The following C2orf81 variants were observed in gnomAD, a reference collection of about 807,000 sequenced individuals.
The protein encoded by C2orf81 is chromosome 2 open reading frame 81, also known as uncharacterized protein C2orf81.
Under a neutral mutation model 7.9 loss-of-function variants are expected in C2orf81, and 5 were observed. The observed-to-expected ratio is 0.63, with a 90% CI of 0.33 to 1.33. C2orf81 has a LOEUF of 1.33. Ranked by LOEUF, C2orf81 falls within the 40% of genes most tolerant of loss-of-function variation. The probability of loss-of-function intolerance (pLI) is 0.05; values close to 1 mark genes in which losing one functional copy is unlikely to be tolerated. For synonymous variants in C2orf81, 346 were observed against 367.4 expected (o/e 0.94, Z 0.66); for missense variants, 781 against 830.4 (o/e 0.94, Z 0.73).
intron 1 of C2orf81, chr2:74,417,487 C>A: frequency 7.9e-7 from 1 of 1,268,252 alleles, no homozygotes; most frequent in East Asian, 5.0e-5. Context: ...GGGACTCACA[C>A]CCCTCCCGCT....
In C2orf81 at chr2:74,418,245, G is replaced by A. The variant is rs1454975423; in HGVS notation, c.19-2004C>T. ...TTTTCCCGGTCTTGGCAGCACCCTTGTTTTTGCTTCCCTTTGGTCGGCCCC... is the reference window on the plus strand; with the variant it reads ...TTTTCCCGGTCTTGGCAGCACCCTTATTTTTGCTTCCCTTTGGTCGGCCCC... On this transcript the variant is annotated intron_variant, in intron 1 of 2. Coordinates refer to ENST00000684111, the MANE Select transcript of C2orf81 (RefSeq NM_001316764.3). 5 of 1,595,554 alleles carry A rather than the reference G, an allele frequency of 3.1e-6. No homozygotes were observed. In the East Asian group the frequency reaches 1.1e-4, roughly 36 times the overall value.
rs1204612038 is a variant in C2orf81 at position 74,414,228 on chromosome 2, C to A, written c.*101G>T. 4 of 1,194,486 alleles carry A rather than the reference C, an allele frequency of 3.3e-6. No homozygotes were observed. The highest frequency in any genetic ancestry group is 4.4e-6 in the Non-Finnish European group (4 of 906,812). The allele number at this position is 1,194,486 out of a possible 1,614,324, so 74.0% of individuals were successfully genotyped here. A position where few individuals can be genotyped will look rare whatever the true frequency, so the allele number is the denominator to read the frequency against. On this transcript the variant is annotated 3_prime_UTR_variant, in exon 3 of 3. Transcript: ENST00000684111. This position sits in a 1 kb window ranked among gnomAD's most constrained non-coding sequence, Gnocchi z 5.3. Reference sequence around the variant, plus strand: ...ATTTCTGGCTAGCAGAGGGAGGGACCAGTTACTACTGCCAGAGGCTCAGGG... The same window carrying A: ...ATTTCTGGCTAGCAGAGGGAGGGACAAGTTACTACTGCCAGAGGCTCAGGG...
At position 74,416,064 on chromosome 2, in the gene C2orf81, C is replaced by T. The variant is rs1012992677; in HGVS notation, c.196G>A (p.Asp66Asn). Residue 66 changes from aspartate to asparagine, a missense_variant, in exon 2 of 3, where the codon GAC becomes AAC. Asp to Asn is a conservative substitution (Grantham distance 23). Coordinates refer to ENST00000684111, the MANE Select transcript of C2orf81 (RefSeq NM_001316764.3). ...GEDVVGDILA[D>N]LLARVMDSAF... ...GAGTCCATGACTCGAGCCAGCAAGT[C>T]GGCCAAGATGTCCCCTACGACGTCC... 3 of 1,549,236 alleles carry T rather than the reference C, an allele frequency of 1.9e-6. No homozygotes were observed. The highest frequency in any genetic ancestry group is 1.7e-6 in the Non-Finnish European group (2 of 1,146,258).
chr2:74,415,666 G>A lies in C2orf81; in HGVS notation c.511C>T (p.Pro171Ser), dbSNP rs1460908978. 1 of 1,551,404 alleles carries A rather than the reference G, an allele frequency of 6.4e-7. No individual in the cohort carries two copies. The highest frequency in any genetic ancestry group is 8.7e-7 in the Non-Finnish European group (1 of 1,147,008). The change falls in exon 3 of 3, where the codon CCT becomes TCT. Residue 171 changes from proline (P) to serine (S), a missense_variant. Physicochemically the swap from Pro to Ser is moderately conservative, Grantham distance 74. Transcript: ENST00000684111. The surrounding 1 kb of genome is among the most constrained non-coding windows in gnomAD (Gnocchi z 5.5). ...GASPDSSAIA[P>S]ALPFPTSHCP... Reference sequence around the variant, plus strand: ...TGAGATGTCGGAAAGGGGAGAGCAGGAGCAATGGCAGAGGAGTCCGGAGAG... The same window carrying A: ...TGAGATGTCGGAAAGGGGAGAGCAGAAGCAATGGCAGAGGAGTCCGGAGAG...
intron 1 of C2orf81, among the ~76,000 whole-genome samples, chr2:74,419,490 A>G (rs1336369294): frequency 3.3e-5 from 5 of 152,238 alleles, no homozygotes; most frequent in Non-Finnish European, 7.3e-5. Flanking sequence ...AAAAACAAGA[A>G]TACTCAGCAT....
Position 74,414,663 on chromosome 2 carries a change from C to G in C2orf81, c.1514G>C (p.Ser505Thr), listed in dbSNP as rs768011727. Residue 505 changes from serine to threonine, a missense_variant, in exon 3 of 3, where the codon AGC becomes ACC. By Grantham distance (58) the Ser-to-Thr change is moderately conservative (BLOSUM62 1). Coordinates refer to ENST00000684111, the MANE Select transcript of C2orf81 (RefSeq NM_001316764.3). The surrounding 1 kb of genome is among the most constrained non-coding windows in gnomAD (Gnocchi z 5.3). Reference sequence around the variant, plus strand: ...CAGCTCGGCCTTCCCCTCCCAACCGCTGGGCCACCTGACACTGGGCCACAG... The same window carrying G: ...CAGCTCGGCCTTCCCCTCCCAACCGGTGGGCCACCTGACACTGGGCCACAG... ...PKLWPSVRWP[S>T]GWEGKAELLG... is the part of the protein sequence containing the mutation. 6 of 1,548,660 alleles carry G rather than the reference C, an allele frequency of 3.9e-6. No homozygotes were observed. The South Asian group carries it at 6.0e-5, about 15-fold the overall frequency.
At position 74,414,386 on chromosome 2, in the gene C2orf81, G is replaced by A; in HGVS notation, c.1791C>T (p.Ser597=). Residue 597 remains serine, a synonymous_variant, in exon 3 of 3, where the codon AGC becomes AGT. Transcript: ENST00000684111. This position sits in a 1 kb window ranked among gnomAD's most constrained non-coding sequence, Gnocchi z 5.3. The stretch of plus-strand genomic sequence containing the variant: ...GATGTTGCTCAACGGGAGGAAAGGT[G>A]CTACCTTCTTTGTCCTCTTGTTCAG... ...GVPEQEDKEG[S]TFPPVEQHPI... The A allele has an allele frequency of 6.5e-7, 1 of 1,534,264 alleles. No individual in the cohort carries two copies. Among genetic ancestry groups the A allele is most frequent in the Non-Finnish European group, 8.8e-7 (1 of 1,136,292 alleles).
Position 74,415,565 on chromosome 2 carries a change from G to A in C2orf81, c.612C>T (p.Gly204=). 1 of 1,551,056 alleles carries A rather than the reference G, an allele frequency of 6.4e-7. No individual in the cohort carries two copies. The highest frequency in any genetic ancestry group is 8.7e-7 in the Non-Finnish European group (1 of 1,146,804). ...CCCAAGATTCCATCTGCTCCTGGGA[G>A]CCTCGACCCATCCACGACCTTCCTA... ...IPLGRSWMGR[G]SQEQMESWEP... Residue 204 remains glycine, a synonymous_variant, in exon 3 of 3, where the codon GGC becomes GGT. Coordinates refer to ENST00000684111, the MANE Select transcript of C2orf81 (RefSeq NM_001316764.3). The surrounding 1 kb of genome is among the most constrained non-coding windows in gnomAD (Gnocchi z 5.5).
In C2orf81 at chr2:74,418,509, C is replaced by T. The variant is rs1473978200; in HGVS notation, c.19-2268G>A. The T allele has an allele frequency of 1.5e-5, 15 of 989,158 alleles. No individual in the cohort carries two copies. The East Asian group carries it at 1.8e-4, about 12-fold the overall frequency. The allele number at this position is 989,158 out of a possible 1,614,324, so 61.3% of individuals were successfully genotyped here. A position where few individuals can be genotyped will look rare whatever the true frequency, so the allele number is the denominator to read the frequency against. On this transcript the variant is annotated intron_variant, in intron 1 of 2. Transcript: ENST00000684111. Reference sequence around the variant, plus strand: ...ATGGGCGAACTCGGCCGCTGGCCTGCGGTGCATGCTCCGGTTTGCCGGGAG... The same window carrying T: ...ATGGGCGAACTCGGCCGCTGGCCTGTGGTGCATGCTCCGGTTTGCCGGGAG...
intron 1 of C2orf81, among the ~76,000 whole-genome samples, chr2:74,416,806 C>G (rs1473629173): frequency 6.6e-6 from 1 of 151,950 alleles, no homozygotes; most frequent in Admixed American, 6.6e-5. Context: ...AGAGTCTTCT[C>G]TACATTTTGT....
rs1396431215 is a variant in C2orf81 at position 74,415,768 on chromosome 2, C to T, written c.409G>A (p.Gly137Ser). 2.6e-6 allele frequency: 4 copies of T among 1,551,662 alleles called. No homozygotes were observed. The highest frequency in any genetic ancestry group is 3.5e-6 in the Non-Finnish European group (4 of 1,147,010). ...GACGCGTGCAGCACGGGCACTGAAC[C>T]CTGAGCCCAGGAGTCCGTCGTGCAT... Reference protein sequence around the residue: ...SACTTDSWAQGSVPVLHASTS... With the variant: ...SACTTDSWAQSSVPVLHASTS... The change falls in exon 3 of 3, where the codon GGT becomes AGT. Residue 137 changes from glycine to serine, a missense_variant. Gly to Ser is a moderately conservative substitution (Grantham distance 56). Coordinates refer to ENST00000684111, the MANE Select transcript of C2orf81 (RefSeq NM_001316764.3). The surrounding 1 kb of genome is among the most constrained non-coding windows in gnomAD (Gnocchi z 5.5).
chr2:74,416,308 C>G (rs1558528652), intron 1 of C2orf81, 67 bp from the exon 2 acceptor site: 3 of 1,159,088 alleles, frequency 2.6e-6, no homozygotes, highest in Non-Finnish European at 3.4e-6. Context: ...TAGCTATAGG[C>G]TAGGAGGAAG....
In C2orf81 at chr2:74,414,894, C is replaced by G. The variant is rs569182535; in HGVS notation, c.1283G>C (p.Arg428Pro). 6.5e-7 allele frequency: 1 copy of G among 1,545,182 alleles called. No homozygotes were observed. Among genetic ancestry groups the G allele is most frequent in the African/African-American group, 1.4e-5 (1 of 72,950 alleles). ...AEPQALGPGT[R>P]VSPAAFFPLR... ...AGGGAAGAACGCTGCCGGGGAGACA[C>G]GGGTGCCGGGGCCGAGGGCTTGGGG... The change falls in exon 3 of 3, where the codon CGT (arginine) becomes CCT (proline). Residue 428 changes from arginine to proline, a missense_variant. Transcript: ENST00000684111. The surrounding 1 kb of genome is among the most constrained non-coding windows in gnomAD (Gnocchi z 5.3).
rs779973718 is a variant in C2orf81 at position 74,418,316 on chromosome 2, C to T, written c.19-2075G>A. 18 of 1,606,682 alleles carry T rather than the reference C, an allele frequency of 1.1e-5. No individual in the cohort carries two copies. The South Asian group carries it at 1.9e-4, about 17-fold the overall frequency. ...ACTTCGCTGAGCTCCTTCTGACTCC[C>T]TACCAGCGCTGTCCTGGGACTCACC... On this transcript the variant is annotated intron_variant, in intron 1 of 2. Transcript: ENST00000684111.
intron 1 of C2orf81, 189 bp from the exon 2 acceptor site, chr2:74,416,430 C>T: frequency 2.9e-6 from 1 of 349,916 alleles, no homozygotes; most frequent in Non-Finnish European, 5.5e-6. Flanking sequence ...AGCCCACTAA[C>T]CACAATTGAC....
In C2orf81 at chr2:74,415,881, A is replaced by T. The variant is rs1326062689; in HGVS notation, c.296T>A (p.Ile99Asn). Residue 99 changes from isoleucine (I) to asparagine (N), a missense_variant, in exon 3 of 3, where the codon ATC becomes AAC. Ile to Asn is a moderately radical substitution (Grantham distance 149, BLOSUM62 -3). Coordinates refer to ENST00000684111, the MANE Select transcript of C2orf81 (RefSeq NM_001316764.3). This position sits in a 1 kb window ranked among gnomAD's most constrained non-coding sequence, Gnocchi z 5.5. Reference sequence around the variant, plus strand: ...CCGGGCCAGGAAGCGCCACTCGGTGATCTGCAGCATGGCCTCCCGGGCCTG... The same window carrying T: ...CCGGGCCAGGAAGCGCCACTCGGTGTTCTGCAGCATGGCCTCCCGGGCCTG... ...ISQAREAMLQ[I>N]TEWRFLARDE... is the part of the protein sequence containing the mutation. 1.3e-6 allele frequency: 2 copies of T among 1,550,674 alleles called. No homozygotes were observed. The highest frequency in any genetic ancestry group is 1.7e-6 in the Non-Finnish European group (2 of 1,146,256).
Position 74,414,301 on chromosome 2 carries a change from G to A in C2orf81, c.*28C>T, listed in dbSNP as rs1391677858. The A allele has an allele frequency of 6.9e-7, 1 of 1,442,580 alleles. No individual in the cohort carries two copies. Among genetic ancestry groups the A allele is most frequent in the African/African-American group, 1.4e-5 (1 of 70,026 alleles). The allele number at this position is 1,442,580 out of a possible 1,614,324, so 89.4% of individuals were successfully genotyped here. On this transcript the variant is annotated 3_prime_UTR_variant, in exon 3 of 3. Transcript: ENST00000684111. This position sits in a 1 kb window ranked among gnomAD's most constrained non-coding sequence, Gnocchi z 5.3. ...AGAGGAGCGTGACCACACTTTGGGG[G>A]CTGAGTTCTTCATTAGCTGTGCTAC...
Position 74,414,689 on chromosome 2 carries a change from C to G in C2orf81, c.1488G>C (p.Lys496Asn). 7 of 1,544,634 alleles carry G rather than the reference C, an allele frequency of 4.5e-6. No individual in the cohort carries two copies. Among genetic ancestry groups the G allele is most frequent in the Non-Finnish European group, 6.1e-6 (7 of 1,142,426 alleles). ...LPDVARSRSP[K>N]LWPSVRWPSG... ...TGGGCCACCTGACACTGGGCCACAG[C>G]TTGGGGCTGCGGCTGCGGGCCACAT... Residue 496 changes from lysine (K) to asparagine (N), a missense_variant, in exon 3 of 3, where the codon AAG becomes AAC. Physicochemically the swap from Lys to Asn is moderately conservative, Grantham distance 94 (BLOSUM62 0). Coordinates refer to ENST00000684111, the MANE Select transcript of C2orf81 (RefSeq NM_001316764.3). The surrounding 1 kb of genome is among the most constrained non-coding windows in gnomAD (Gnocchi z 5.3).
At position 74,414,239 on chromosome 2, in the gene C2orf81, G is replaced by T; in HGVS notation, c.*90C>A. The T allele has an allele frequency of 1.5e-6, 2 of 1,306,514 alleles. No individual in the cohort carries two copies. The highest frequency in any genetic ancestry group is 2.0e-6 in the Non-Finnish European group (2 of 1,002,774). 80.9% of individuals were successfully genotyped at this position (1,306,514 alleles called of 1,614,324 possible). A position where few individuals can be genotyped will look rare whatever the true frequency, so the allele number is the denominator to read the frequency against. On this transcript the variant is annotated 3_prime_UTR_variant, in exon 3 of 3. Coordinates refer to ENST00000684111, the MANE Select transcript of C2orf81 (RefSeq NM_001316764.3). The surrounding 1 kb of genome is among the most constrained non-coding windows in gnomAD (Gnocchi z 5.3). ...GCAGAGGGAGGGACCAGTTACTACT[G>T]CCAGAGGCTCAGGGATCAGAGGGAG...
Sources: allele counts gnomAD v4.1 joint callset (sites outside exome capture counted in the v4.1 genomes callset), GRCh38; gene constraint gnomAD v4.1.1; non-coding constraint Gnocchi (gnomAD v3.1); transcripts MANE v1.5; gene names NCBI Gene and HGNC (gene_info 2026-07-23, HGNC 2026-07-21).